Variants in GNS observed in about 807,000 individuals in gnomAD.
GNS encodes the protein N-acetylglucosamine-6-sulfatase.
Under a neutral mutation model 69.7 loss-of-function variants are expected in GNS, and 40 were observed. The ratio of observed to expected loss-of-function variants is 0.57; its 90% confidence interval spans 0.45 to 0.75. The LOEUF (loss-of-function observed/expected upper bound fraction) is 0.75, where lower values mean the gene tolerates loss of function less well. GNS is among the 30% of genes least tolerant of loss of function. GNS has a pLI of 0.00. For synonymous variants in GNS, 243 were observed against 251.6 expected (o/e 0.97, Z 0.32); for missense variants, 565 against 685.5 (o/e 0.82, Z 1.96).
chr12:64,727,676 T>C (rs1869250799), intron 10 of GNS, among the ~76,000 whole-genome samples: 1 of 152,138 alleles, frequency 6.6e-6, no homozygotes, highest in African/African-American at 2.4e-5. Flanking sequence ...ATATGAAAAG[T>C]TCAGAACAAA....
rs1399700060 is a variant in GNS, at chr12:64,736,987, G to C, written c.1098+17C>G. ...AAGTGCCTACCTGTCCACAGCACCA[G>C]CTTGTCAGGCACCTACCTTGCTTGT... On this transcript the variant is annotated intron_variant, in intron 9 of 13. Transcript: ENST00000258145. 1.6e-6 allele frequency: 2 copies of C among 1,285,554 alleles called. No individual in the cohort carries two copies. Among genetic ancestry groups the C allele is most frequent in the Admixed American group, 3.4e-5 (2 of 59,620 alleles). 79.6% of individuals were successfully genotyped at this position (1,285,554 alleles called of 1,614,324 possible). A position where few individuals can be genotyped will look rare whatever the true frequency, so the allele number is the denominator to read the frequency against.
intron 9 of GNS, among the ~76,000 whole-genome samples, chr12:64,732,086 A>C (rs1869410322): frequency 6.6e-6 from 1 of 151,628 alleles, no homozygotes; most frequent in African/African-American, 2.4e-5. Flanking sequence ...TCCTGGGTTC[A>C]AGCAATACTC....
rs773419903 is a variant in GNS, at chr12:64,745,692, G to A, written c.492C>T (p.His164=). 11 of 1,608,928 alleles carry A rather than the reference G, an allele frequency of 6.8e-6. No individual in the cohort carries two copies. The highest frequency in any genetic ancestry group is 5.5e-5 in the South Asian group (5 of 90,996). ...ACCAGTAACTCCAACCCAGAGGAAC[G>A]TGTTCTAGTCCACCTGCATCTGGGG... is the stretch of plus-strand genomic sequence containing the variant. The part of the protein sequence containing the change: ...YGAPDAGGLE[H]VPLGWSYWYA... The change falls in exon 4 of 14, where the codon CAC becomes CAT. Residue 164 remains histidine, a synonymous_variant. Coordinates refer to ENST00000258145, the MANE Select transcript of GNS (RefSeq NM_002076.4).
At chr12:64,749,576 G>A (rs1019343058) in intron 2 of GNS, among the ~76,000 whole-genome samples, 1 of 152,172 alleles carries the variant, frequency 6.6e-6, no homozygotes, top group Non-Finnish European at 1.5e-5. Flanking sequence ...AAAAAATGGT[G>A]AGGAGGAACA....
At chr12:64,719,981 G>C (rs1208563308) in intron 13 of GNS, 41 bp downstream of exon 13, 1 of 1,476,118 alleles carries the variant, frequency 6.8e-7, no homozygotes, top group Admixed American at 1.7e-5. Flanking sequence ...ATGTCTACTA[G>C]AAAAAACTTG....
chr12:64,713,585 G>A lies in GNS; in HGVS notation c.*3156C>T, dbSNP rs1194261780. 1 of 152,620 alleles carries A rather than the reference G, an allele frequency of 6.6e-6. No homozygotes were observed. Among genetic ancestry groups the A allele is most frequent in the African/African-American group, 2.4e-5 (1 of 41,450 alleles). 9.5% of individuals were successfully genotyped at this position (152,620 alleles called of 1,614,324 possible). The stretch of plus-strand genomic sequence containing the variant: ...GGAACAGAGGATGCAAACACAGGAA[G>A]TTACAAAATTCAGTGGGAACTAAGT... On this transcript the variant is annotated 3_prime_UTR_variant, in exon 14 of 14. Coordinates refer to ENST00000258145, the MANE Select transcript of GNS (RefSeq NM_002076.4).
rs200280051 is a variant in GNS, at chr12:64,720,875, TTA to T, written c.1420-695_1420-694del. 8.4e-3 allele frequency among the ~76,000 whole-genome samples: 1,281 copies of T among 152,322 alleles called. 9 individuals are homozygous for T. Among genetic ancestry groups the T allele is most frequent in the Middle Eastern group, 0.051 (15 of 294 alleles). On this transcript the variant is annotated intron_variant, in intron 12 of 13. Transcript: ENST00000258145. ...TAGCTGCCCTCACTCACACAATCAC[TTA>T]TAAAGTAGTTATCAAACTGATAAAC...
Position 64,759,393 on chromosome 12 carries a change from G to A in GNS, c.-117C>T, listed in dbSNP as rs1211920311. 7.2e-6 allele frequency: 5 copies of A among 692,770 alleles called. No homozygotes were observed. Among genetic ancestry groups the A allele is most frequent in the Non-Finnish European group, 1.2e-5 (5 of 423,118 alleles). The allele number at this position is 692,770 out of a possible 1,614,324, so 42.9% of individuals were successfully genotyped here. ...AAAAAGCCGTGCCTTGAAGGCCGGT[G>A]GCTGGAGTCAGACGTTTTCTCCCTA... On this transcript the variant is annotated 5_prime_UTR_variant, in exon 1 of 14. Transcript: ENST00000258145.
In GNS at chr12:64,714,738, G is replaced by C. The variant is rs1185507305; in HGVS notation, c.*2003C>G. The C allele has an allele frequency of 6.6e-6, 1 of 151,980 alleles. No individual in the cohort carries two copies. Among genetic ancestry groups the C allele is most frequent in the African/African-American group, 2.4e-5 (1 of 41,328 alleles). The allele number at this position is 151,980 out of a possible 1,614,324, so 9.4% of individuals were successfully genotyped here. The stretch of plus-strand genomic sequence containing the variant: ...CACAGTCCAAGACCTGGTAAGAGTT[G>C]GTTTCTTTTTATTTGGAAATAACTA... On this transcript the variant is annotated 3_prime_UTR_variant, in exon 14 of 14. Transcript: ENST00000258145.
chr12:64,749,430 T>G, intron 2 of GNS, among the ~76,000 whole-genome samples: 1 of 151,380 alleles, frequency 6.6e-6, no homozygotes. Context: ...TTTTTTGTAG[T>G]TTTAGTAGAG....
intron 10 of GNS, among the ~76,000 whole-genome samples, chr12:64,728,118 G>T (rs1266568216): frequency 6.6e-6 from 1 of 152,060 alleles, no homozygotes; most frequent in African/African-American, 2.4e-5. Flanking sequence ...AGAGACAGAG[G>T]TTCACCATGT....
chr12:64,736,058 T>C (rs1426759062), intron 9 of GNS, among the ~76,000 whole-genome samples: 4 of 152,238 alleles, frequency 2.6e-5, no homozygotes, highest in Non-Finnish European at 5.9e-5. Flanking sequence ...TAGCTTAAAG[T>C]GTGTATTTGT....
chr12:64,728,962 G>T lies in GNS; in HGVS notation c.1194C>A (p.Pro398=). The part of the protein sequence containing the change: ...KTQMDGMSLL[P]ILRGASNLTW... Reference sequence around the variant, plus strand: ...TTGAGGGCGCTATACTTACCAAAATGGGCAATAAGGACATCCCATCCATCT... The same window carrying T: ...TTGAGGGCGCTATACTTACCAAAATTGGCAATAAGGACATCCCATCCATCT... Residue 398 remains proline (P), a synonymous_variant, in exon 10 of 14, where the codon CCC becomes CCA. Coordinates refer to ENST00000258145, the MANE Select transcript of GNS (RefSeq NM_002076.4). 2 of 1,499,966 alleles carry T rather than the reference G, an allele frequency of 1.3e-6. No homozygotes were observed. Among genetic ancestry groups the T allele is most frequent in the Middle Eastern group, 3.4e-4 (2 of 5,862 alleles). 92.9% of individuals were successfully genotyped at this position (1,499,966 alleles called of 1,614,324 possible).
At position 64,714,927 on chromosome 12, in the gene GNS, C is replaced by T. The variant is rs980577225; in HGVS notation, c.*1814G>A. ...GTGTCCATTTCACTTGCCTGTTTCA[C>T]CTCTAGATACCACCACAGTTGCTGG... On this transcript the variant is annotated 3_prime_UTR_variant, in exon 14 of 14. Coordinates refer to ENST00000258145, the MANE Select transcript of GNS (RefSeq NM_002076.4). 1.3e-5 allele frequency: 2 copies of T among 152,590 alleles called. No individual in the cohort carries two copies. Among genetic ancestry groups the T allele is most frequent in the African/African-American group, 4.8e-5 (2 of 41,446 alleles). The allele number at this position is 152,590 out of a possible 1,614,324, so 9.5% of individuals were successfully genotyped here. A position where few individuals can be genotyped will look rare whatever the true frequency, so the allele number is the denominator to read the frequency against.
At chr12:64,745,872 C>T (rs771213418) in intron 3 of GNS, 148 bp from the exon 4 acceptor site, 15 of 672,920 alleles carry the variant, frequency 2.2e-5, no homozygotes, top group East Asian at 5.4e-5. Flanking sequence ...CAAAAATAAA[C>T]GCTAATAATC....
chr12:64,737,223 G>T, intron 8 of GNS, 116 bp from the exon 9 acceptor site: 1 of 715,986 alleles, frequency 1.4e-6, no homozygotes, highest in Non-Finnish European at 2.5e-6. Context: ...ACTGATTCTG[G>T]TGTTTTAATA....
At chr12:64,724,524 G>A (rs914317774) in intron 10 of GNS, among the ~76,000 whole-genome samples, 11 of 152,164 alleles carry the variant, frequency 7.2e-5, no homozygotes, top group African/African-American at 2.4e-5. Context: ...AATCCTGTGC[G>A]GCTCAGGATC....
chr12:64,737,038 C>A lies in GNS; in HGVS notation c.1064G>T (p.Arg355Leu), dbSNP rs751200375. 1 of 1,601,852 alleles carries A rather than the reference C, an allele frequency of 6.2e-7. No individual in the cohort carries two copies. Among genetic ancestry groups the A allele is most frequent in the Middle Eastern group, 1.7e-4 (1 of 6,036 alleles). The change falls in exon 9 of 14, where the codon CGA becomes CTA. Residue 355 changes from arginine (R) to leucine (L), a missense_variant. By Grantham distance (102) the Arg-to-Leu change is moderately radical. This residue lies in a region of GNS where 384 missense variants were observed against 511.0 expected (regional missense o/e 0.75). Coordinates refer to ENST00000258145, the MANE Select transcript of GNS (RefSeq NM_002076.4). ...EFDIKVPLLV[R>L]GPGIKPNQTS... ...CTGATTTGGTTTGATCCCAGGTCCTCGAACCAACAGTGGAACTTTGATATC... is the reference window on the plus strand; with the variant it reads ...CTGATTTGGTTTGATCCCAGGTCCTAGAACCAACAGTGGAACTTTGATATC...
At chr12:64,747,390 T>C (rs1048671895) in intron 3 of GNS, among the ~76,000 whole-genome samples, 1 of 152,186 alleles carries the variant, frequency 6.6e-6, no homozygotes, top group African/African-American at 2.4e-5. Context: ...ACAAACAGAA[T>C]TCCTGAGGAA....
Sources: gnomAD v4.1 joint callset for allele counts (sites outside exome capture counted in the v4.1 genomes callset) on GRCh38, gnomAD v4.1.1 for gene constraint, gnomAD v4.1.1 regional missense constraint, MANE v1.5 for transcripts, NCBI Gene and HGNC (gene_info 2026-07-23, HGNC 2026-07-21) for gene names.